MSANTD7: variants seen among roughly 807,000 people sequenced by gnomAD.
The protein encoded by MSANTD7 is Myb/SANT DNA binding domain containing 7.
the MSANTD7 span, chr10:14,844,488 G>A: frequency 2.3e-5 from 17 of 754,696 alleles, no homozygotes; most frequent in African/African-American, 3.8e-4. Context: ...CTCATTAGAC[G>A]ACTATAAGCA....
the MSANTD7 span, chr10:14,842,335 A>G: frequency 6.5e-7 from 1 of 1,536,146 alleles, no homozygotes; most frequent in East Asian, 2.4e-5. The surrounding 1 kb of genome is among the most constrained non-coding windows in gnomAD (Gnocchi z 5.2). Context: ...GACAGGAGAC[A>G]CGAACTCTTC....
chr10:14,846,724 T>G, the MSANTD7 span: 1 of 984,138 alleles, frequency 1.0e-6, no homozygotes, highest in Non-Finnish European at 1.2e-6. Context: ...TTCAGACATG[T>G]AAGGCACTGT....
At chr10:14,844,604 C>T in the MSANTD7 span, 1 of 985,408 alleles carries the variant, frequency 1.0e-6, no homozygotes, top group Non-Finnish European at 1.2e-6. Flanking sequence ...CTTCATTTTA[C>T]TGGTTCTTAG....
the MSANTD7 span, among the ~76,000 whole-genome samples, chr10:14,840,485 T>C: frequency 5.3e-5 from 8 of 152,244 alleles, no homozygotes; most frequent in Non-Finnish European, 1.2e-4. Context: ...TGAAGACTTA[T>C]TGACAATGTG....
chr10:14,842,787 G>A, the MSANTD7 span: 1 of 1,536,430 alleles, frequency 6.5e-7, no homozygotes. This position sits in a 1 kb window ranked among gnomAD's most constrained non-coding sequence, Gnocchi z 5.2. Flanking sequence ...CTAAGAATCA[G>A]TGACCGGATA....
At chr10:14,840,115 T>C in the MSANTD7 span, 1 of 1,478,428 alleles carries the variant, frequency 6.8e-7, no homozygotes, top group Non-Finnish European at 9.1e-7. Flanking sequence ...ATAAGAAATA[T>C]TTCAAATACA....
the MSANTD7 span, chr10:14,838,455 A>G: frequency 3.7e-6 from 6 of 1,604,550 alleles, no homozygotes; most frequent in South Asian, 2.2e-5. Flanking sequence ...GTGGCCGTCT[A>G]TAAGGTGAGG....
chr10:14,843,954 C>T, the MSANTD7 span: 1 of 1,518,202 alleles, frequency 6.6e-7, no homozygotes. Context: ...CCAAACCTGC[C>T]TTCTGAATCC....
At chr10:14,838,838 G>C in the MSANTD7 span, among the ~76,000 whole-genome samples, 1 of 152,132 alleles carries the variant, frequency 6.6e-6, no homozygotes, top group East Asian at 1.9e-4. Flanking sequence ...CATTTTGGGG[G>C]AGGTCACGGG....
chr10:14,843,220 G>C, the MSANTD7 span: 1 of 1,003,510 alleles, frequency 1.0e-6, no homozygotes, highest in African/African-American at 1.6e-5. Flanking sequence ...CAATTGTCCA[G>C]ATTAAGGAAA....
At chr10:14,840,444 C>T in the MSANTD7 span, among the ~76,000 whole-genome samples, 1 of 152,004 alleles carries the variant, frequency 6.6e-6, no homozygotes, top group Admixed American at 6.6e-5. Context: ...TTTTTTTTAA[C>T]TGAGAGGATT....
At chr10:14,843,831 TGGTGCTTTTCA>T in the MSANTD7 span, 14 of 1,536,316 alleles carry the variant, frequency 9.1e-6, no homozygotes, top group Admixed American at 2.0e-5. Context: ...AAGAGGCAAC[TGGTGCTTTTCA>T]GCTAGGCCTT....
chr10:14,846,648 T>C, the MSANTD7 span: 1 of 945,398 alleles, frequency 1.1e-6, no homozygotes, highest in Non-Finnish European at 1.3e-6. Context: ...GGGAAACTCA[T>C]AATTGTCCTA....
chr10:14,839,017 C>T, the MSANTD7 span, among the ~76,000 whole-genome samples: 1 of 152,176 alleles, frequency 6.6e-6, no homozygotes, highest in East Asian at 1.9e-4. Context: ...CGTCTAGGTC[C>T]CGGAGGGGCG....
the MSANTD7 span, chr10:14,845,316 A>T: frequency 1.0e-5 from 10 of 985,276 alleles, no homozygotes; most frequent in Non-Finnish European, 1.2e-5. Flanking sequence ...AAAAATAACA[A>T]AGAGTGGGCA....
chr10:14,844,643 TGCCAGGGAGCC>T, the MSANTD7 span: 1 of 984,592 alleles, frequency 1.0e-6, no homozygotes, highest in Non-Finnish European at 1.2e-6. Flanking sequence ...AAATAAGAAG[TGCCAGGGAGCC>T]GCCATTGTGT....
chr10:14,839,840 G>C, the MSANTD7 span: 2 of 1,154,320 alleles, frequency 1.7e-6, no homozygotes, highest in South Asian at 2.9e-5. Flanking sequence ...AAGTAACACT[G>C]GTGCACAAAT....
chr10:14,842,342 CTT>C, the MSANTD7 span: 1 of 1,536,154 alleles, frequency 6.5e-7, no homozygotes, highest in South Asian at 1.2e-5. This position sits in a 1 kb window ranked among gnomAD's most constrained non-coding sequence, Gnocchi z 5.2. Context: ...GACACGAACT[CTT>C]CTCTCCATAC....
the MSANTD7 span, chr10:14,844,151 T>C: frequency 7.7e-7 from 1 of 1,302,482 alleles, no homozygotes; most frequent in Non-Finnish European, 9.8e-7. Context: ...ATCCTAGCTT[T>C]GTCACAGATG....
Sources: allele counts gnomAD v4.1 joint callset (sites outside exome capture counted in the v4.1 genomes callset), GRCh38; gene constraint gnomAD v4.1.1; non-coding constraint Gnocchi (gnomAD v3.1); transcripts MANE v1.5; gene names NCBI Gene and HGNC (gene_info 2026-07-23, HGNC 2026-07-21).